COL7A1: variants seen among roughly 807,000 people sequenced by gnomAD.
The protein encoded by COL7A1 is collagen type VII alpha 1 chain.
Under a neutral mutation model 456.2 loss-of-function variants are expected in COL7A1, and 296 were observed. The ratio of observed to expected loss-of-function variants is 0.65; its 90% CI spans 0.59 to 0.71. The LOEUF (loss-of-function observed/expected upper bound fraction) is 0.71. COL7A1 is among the 30% of genes least tolerant of loss of function. COL7A1 has a pLI of 0.00. For synonymous variants in COL7A1, 1,464 were observed against 1,525.9 expected (o/e 0.96, Z 0.95); for missense variants, 3,441 against 4,017.2 (o/e 0.86, Z 3.88).
Position 48,592,652 on chromosome 3 carries a change from C to T in COL7A1, c.894G>A (p.Arg298=), listed in dbSNP as rs745615442. 1.2e-6 allele frequency: 2 copies of T among 1,613,960 alleles called. No individual in the cohort carries two copies. The highest frequency in any genetic ancestry group is 1.7e-6 in the Non-Finnish European group (2 of 1,180,024). ...GETSVRLRGL[R]PLTEYQVTVI... ...CAGTCACTTGGTACTCGGTCAGTGGCCGGAGACCCCGCAGCCGCACACTGG... is the reference window on the plus strand; with the variant it reads ...CAGTCACTTGGTACTCGGTCAGTGGTCGGAGACCCCGCAGCCGCACACTGG... Residue 298 remains arginine, a synonymous_variant, in exon 8 of 119, where the codon CGG becomes CGA. Transcript: ENST00000681320. The surrounding 1 kb of genome is among the most constrained non-coding windows in gnomAD (Gnocchi z 7.6).
Position 48,574,856 on chromosome 3 carries a change from C to T in COL7A1, c.6289G>A (p.Asp2097Asn). ...PGPPGPKVSV[D>N]EPGPGLSGEQ... ...CCAGAGAGTCCAGGACCTGGCTCAT[C>T]CACAGACACCTACAAACACAAGGTC... The change falls in exon 77 of 119, where the codon GAT (aspartate) becomes AAT (asparagine). Residue 2097 changes from aspartate (D) to asparagine (N), a missense_variant. Asp to Asn is a conservative substitution (Grantham distance 23). This residue lies in a region of COL7A1 where 2,084 missense variants were observed against 2,501.3 expected (regional missense o/e 0.83). Coordinates refer to ENST00000681320, the MANE Select transcript of COL7A1 (RefSeq NM_000094.4). The surrounding 1 kb of genome is among the most constrained non-coding windows in gnomAD (Gnocchi z 5.0). The T allele has an allele frequency of 6.2e-7, 1 of 1,613,834 alleles. No homozygotes were observed. The highest frequency in any genetic ancestry group is 8.5e-7 in the Non-Finnish European group (1 of 1,179,966).
chr3:48,589,323 T>C lies in COL7A1; in HGVS notation c.2314+4A>G, dbSNP rs765336708. On this transcript the variant is annotated splice_donor_region_variant and intron_variant, in intron 18 of 118. Coordinates refer to ENST00000681320, the MANE Select transcript of COL7A1 (RefSeq NM_000094.4). ...TGGCTAGTAGCTGGCCAGGGTCCACTCACCAGTCCTCACAACCACAGAGGC... is the reference window on the plus strand; with the variant it reads ...TGGCTAGTAGCTGGCCAGGGTCCACCCACCAGTCCTCACAACCACAGAGGC... 4.3e-6 allele frequency: 7 copies of C among 1,612,222 alleles called. No individual in the cohort carries two copies. The highest frequency in any genetic ancestry group is 5.1e-6 in the Non-Finnish European group (6 of 1,179,940).
At chr3:48,582,287 G>A in intron 47 of COL7A1, 36 bp downstream of exon 47, 1 of 1,613,854 alleles carries the variant, frequency 6.2e-7, no homozygotes, top group Middle Eastern at 1.6e-4. Flanking sequence ...CTCAAGGGCT[G>A]TGCTGTGCTC....
At position 48,568,895 on chromosome 3, in the gene COL7A1, A is replaced by G; in HGVS notation, c.7687-40T>C. The G allele has an allele frequency of 1.3e-6, 2 of 1,548,224 alleles. No individual in the cohort carries two copies. Among genetic ancestry groups the G allele is most frequent in the Non-Finnish European group, 1.8e-6 (2 of 1,141,836 alleles). On this transcript the variant is annotated intron_variant, in intron 103 of 118. Coordinates refer to ENST00000681320, the MANE Select transcript of COL7A1 (RefSeq NM_000094.4). This position sits in a 1 kb window ranked among gnomAD's most constrained non-coding sequence, Gnocchi z 5.2. ...AGGAGAGGGATTCAGTCAGGACCAG[A>G]TCAGGCTGGGGGCTTAGAATACAAC...
Position 48,564,185 on chromosome 3 carries a change from C to A in COL7A1, c.*221G>T, listed in dbSNP as rs190139528. On this transcript the variant is annotated 3_prime_UTR_variant, in exon 119 of 119. Transcript: ENST00000681320. The surrounding 1 kb of genome is among the most constrained non-coding windows in gnomAD (Gnocchi z 6.0). ...ACATCCGCTCACTGCCCACAGCCAC[C>A]CCCCCACAGTGAGTCATCTGCCAGG... The A allele has an allele frequency of 1.6e-6, 1 of 634,892 alleles. No individual in the cohort carries two copies. Among genetic ancestry groups the A allele is most frequent in the African/African-American group, 1.8e-5 (1 of 55,870 alleles). The allele number at this position is 634,892 out of a possible 1,614,324, so 39.3% of individuals were successfully genotyped here.
At chr3:48,589,270 A>G (rs2045520911) in intron 18 of COL7A1, 57 bp downstream of exon 18, 2 of 1,609,170 alleles carry the variant, frequency 1.2e-6, no homozygotes, top group Non-Finnish European at 1.7e-6. Context: ...TCAGGAACAC[A>G]CAGCAGGGCA....
In COL7A1 at chr3:48,566,595, C is replaced by T; in HGVS notation, c.8305-32G>A. The T allele has an allele frequency of 6.2e-7, 1 of 1,614,192 alleles. No individual in the cohort carries two copies. Among genetic ancestry groups the T allele is most frequent in the South Asian group, 1.1e-5 (1 of 91,086 alleles). On this transcript the variant is annotated intron_variant, in intron 112 of 118. Transcript: ENST00000681320. This position sits in a 1 kb window ranked among gnomAD's most constrained non-coding sequence, Gnocchi z 5.9. ...GCAACAGATGGGACCAGGCTGTGACCTCTGACCTCAGGGACAACAGAAGTC... is the reference window on the plus strand; with the variant it reads ...GCAACAGATGGGACCAGGCTGTGACTTCTGACCTCAGGGACAACAGAAGTC...
chr3:48,591,864 ACCCTTGCCTGT>A lies in COL7A1; in HGVS notation c.1357+23_1357+33del. On this transcript the variant is annotated intron_variant, in intron 11 of 118. Coordinates refer to ENST00000681320, the MANE Select transcript of COL7A1 (RefSeq NM_000094.4). The surrounding 1 kb of genome is among the most constrained non-coding windows in gnomAD (Gnocchi z 7.0). ...TCAGACCAGCAGAGGCCATGCCCTG[ACCCTTGCCTGT>A]CCATCCCTTCCCCCGCACTGACCAG... 1.2e-6 allele frequency: 2 copies of A among 1,613,908 alleles called. No homozygotes were observed. Among genetic ancestry groups the A allele is most frequent in the Non-Finnish European group, 1.7e-6 (2 of 1,179,936 alleles).
rs1280581544 is a variant in COL7A1, at chr3:48,567,944, C to A, written c.7876-53G>T. 2 of 1,609,500 alleles carry A rather than the reference C, an allele frequency of 1.2e-6. No individual in the cohort carries two copies. The highest frequency in any genetic ancestry group is 1.7e-5 in the Admixed American group (1 of 59,884). ...GATTCCCAGACACCTCACTCTGTGA[C>A]CCCCTTCACCCTGAAACTAACTCTC... On this transcript the variant is annotated intron_variant, in intron 106 of 118. Transcript: ENST00000681320. This position sits in a 1 kb window ranked among gnomAD's most constrained non-coding sequence, Gnocchi z 4.3.
In COL7A1 at chr3:48,578,956, T is replaced by C. The variant is rs1307213364; in HGVS notation, c.5389-2A>G. ...GTCCCCAGCTTTGCCTGCAGCACCC[T>C]GAGGAGAGACTCAAAGTCAGTTCAT... On this transcript the variant is annotated splice_acceptor_variant, in intron 62 of 118. Coordinates refer to ENST00000681320, the MANE Select transcript of COL7A1 (RefSeq NM_000094.4). LOFTEE classifies it high-confidence loss of function. The surrounding 1 kb of genome is among the most constrained non-coding windows in gnomAD (Gnocchi z 4.7). 6.2e-7 allele frequency: 1 copy of C among 1,613,832 alleles called. No individual in the cohort carries two copies. Among genetic ancestry groups the C allele is most frequent in the African/African-American group, 1.3e-5 (1 of 74,914 alleles).
Position 48,586,755 on chromosome 3 carries a change from T to C in COL7A1, c.3277-66A>G. The C allele has an allele frequency of 6.5e-7, 1 of 1,544,356 alleles. No homozygotes were observed. Among genetic ancestry groups the C allele is most frequent in the Non-Finnish European group, 8.8e-7 (1 of 1,142,038 alleles). On this transcript the variant is annotated intron_variant, in intron 25 of 118. Transcript: ENST00000681320. The surrounding 1 kb of genome is among the most constrained non-coding windows in gnomAD (Gnocchi z 5.1). ...AGCAGGGATGGGGGTGCACAGAGCC[T>C]GGAGAAACACATCAGGGTGTGTGTG... is the stretch of plus-strand genomic sequence containing the variant.
chr3:48,570,112 C>G lies in COL7A1; in HGVS notation c.7485+22G>C, dbSNP rs2043813888. The stretch of plus-strand genomic sequence containing the variant: ...CAGGGGACTGAAGTCACAGCACTGT[C>G]ACTTTCCCCAGCGGGACCCACCGTG... On this transcript the variant is annotated intron_variant, in intron 99 of 118. Coordinates refer to ENST00000681320, the MANE Select transcript of COL7A1 (RefSeq NM_000094.4). The surrounding 1 kb of genome is among the most constrained non-coding windows in gnomAD (Gnocchi z 5.5). 2 of 1,613,798 alleles carry G rather than the reference C, an allele frequency of 1.2e-6. No homozygotes were observed. The highest frequency in any genetic ancestry group is 8.5e-7 in the Non-Finnish European group (1 of 1,179,782).
chr3:48,577,964 T>C (rs558413374), intron 65 of COL7A1, among the ~76,000 whole-genome samples: 60 of 152,288 alleles, frequency 3.9e-4, no homozygotes, highest in African/African-American at 1.4e-3. Context: ...GGTCAGTTTG[T>C]GATCAGCCTG....
Position 48,591,514 on chromosome 3 carries a change from C to T in COL7A1, c.1586G>A (p.Ser529Asn). 1 of 1,614,036 alleles carries T rather than the reference C, an allele frequency of 6.2e-7. No individual in the cohort carries two copies. Among genetic ancestry groups the T allele is most frequent in the Non-Finnish European group, 8.5e-7 (1 of 1,179,988 alleles). ...GTACTGGGTGGCACCAGGGACTGGG[C>T]TCCAGGACACTCGCACCCGCTGCCC... ...LPGQRVRVSW[S>N]PVPGATQYRI... Residue 529 changes from serine (S) to asparagine (N), a missense_variant, in exon 13 of 119, where the codon AGC becomes AAC. Physicochemically the swap from Ser to Asn is conservative, Grantham distance 46. Transcript: ENST00000681320. The surrounding 1 kb of genome is among the most constrained non-coding windows in gnomAD (Gnocchi z 7.0).
In COL7A1 at chr3:48,594,981, G is replaced by T; in HGVS notation, c.85+94C>A. On this transcript the variant is annotated intron_variant, in intron 2 of 118. Transcript: ENST00000681320. This position sits in a 1 kb window ranked among gnomAD's most constrained non-coding sequence, Gnocchi z 5.5. ...CGCGGGGCGTCGTGGAGTTGGCTGG[G>T]TTGTGGGCGGGGGGTGTTGGGGATG... 1.9e-6 allele frequency: 2 copies of T among 1,038,870 alleles called. No homozygotes were observed. The highest frequency in any genetic ancestry group is 1.4e-5 in the South Asian group (1 of 71,170). The allele number at this position is 1,038,870 out of a possible 1,614,324, so 64.4% of individuals were successfully genotyped here. A position where few individuals can be genotyped will look rare whatever the true frequency, so the allele number is the denominator to read the frequency against.
chr3:48,588,551 C>G lies in COL7A1; in HGVS notation c.2587+91G>C, dbSNP rs1402766887. On this transcript the variant is annotated intron_variant, in intron 20 of 118. Coordinates refer to ENST00000681320, the MANE Select transcript of COL7A1 (RefSeq NM_000094.4). This position sits in a 1 kb window ranked among gnomAD's most constrained non-coding sequence, Gnocchi z 4.6. ...CTGCCCCCAAAGGCTCACTACCAAT[C>G]CTGGTCCTTTCTCCAATCCAGAGCA... 1 of 1,610,134 alleles carries G rather than the reference C, an allele frequency of 6.2e-7. No homozygotes were observed. Among genetic ancestry groups the G allele is most frequent in the Non-Finnish European group, 8.5e-7 (1 of 1,178,376 alleles).
In COL7A1 at chr3:48,571,510, TGGCACA is replaced by T. The variant is rs1404225481; in HGVS notation, c.7069-238_7069-233del. 1.4e-6 allele frequency: 1 copy of T among 713,446 alleles called. No individual in the cohort carries two copies. The highest frequency in any genetic ancestry group is 2.7e-5 in the East Asian group (1 of 36,556). 44.2% of individuals were successfully genotyped at this position (713,446 alleles called of 1,614,324 possible). ...CCATAGACAGGTGGGAGTTCAGGCA[TGGCACA>T]GGCACAGGGAGCCCACACGCGAGTG... On this transcript the variant is annotated intron_variant, in intron 92 of 118. Coordinates refer to ENST00000681320, the MANE Select transcript of COL7A1 (RefSeq NM_000094.4). The surrounding 1 kb of genome is among the most constrained non-coding windows in gnomAD (Gnocchi z 4.6).
In COL7A1 at chr3:48,594,283, T is replaced by A. The variant is rs1201481539; in HGVS notation, c.266+85A>T. On this transcript the variant is annotated intron_variant, in intron 3 of 118. Coordinates refer to ENST00000681320, the MANE Select transcript of COL7A1 (RefSeq NM_000094.4). This position sits in a 1 kb window ranked among gnomAD's most constrained non-coding sequence, Gnocchi z 5.5. ...AACTTGTTTCTGCAAAGACCTGGCC[T>A]GGGGTTTCCAGGGTCTCCTCCCTCT... The A allele has an allele frequency of 7.9e-6, 12 of 1,524,234 alleles. No homozygotes were observed. The Admixed American group carries it at 2.0e-4, about 26-fold the overall frequency. 94.4% of individuals were successfully genotyped at this position (1,524,234 alleles called of 1,614,324 possible).
chr3:48,571,957 C>CA lies in COL7A1; in HGVS notation c.7068+43dup, dbSNP rs1485956167. 1 of 1,606,372 alleles carries CA rather than the reference C, an allele frequency of 6.2e-7. No individual in the cohort carries two copies. Among genetic ancestry groups the CA allele is most frequent in the Non-Finnish European group, 8.5e-7 (1 of 1,176,908 alleles). On this transcript the variant is annotated intron_variant, in intron 92 of 118. Coordinates refer to ENST00000681320, the MANE Select transcript of COL7A1 (RefSeq NM_000094.4). The surrounding 1 kb of genome is among the most constrained non-coding windows in gnomAD (Gnocchi z 4.6). ...GAGTGGCCCCTTATGCCCGCCATCACACTCCTCAGGCCAGGCTCGCCCTTG... is the reference window on the plus strand; with the variant it reads ...GAGTGGCCCCTTATGCCCGCCATCACAACTCCTCAGGCCAGGCTCGCCCTTG...
Sources: allele counts gnomAD v4.1 joint callset (sites outside exome capture counted in the v4.1 genomes callset), GRCh38; gene constraint gnomAD v4.1.1; regional missense constraint gnomAD v4.1.1; non-coding constraint Gnocchi (gnomAD v3.1); transcripts MANE v1.5; gene names NCBI Gene and HGNC (gene_info 2026-07-23, HGNC 2026-07-21).